The following TRAIP variants were observed in gnomAD, a reference collection of about 807,000 sequenced individuals.
The protein encoded by TRAIP is E3 ubiquitin-protein ligase TRAIP.
A neutral mutation model predicts 65.0 loss-of-function variants in TRAIP; 37 were observed. That is an observed-to-expected ratio of 0.57 (90% CI 0.44 to 0.75). TRAIP has a LOEUF of 0.75. Among genes scored for constraint, TRAIP ranks in the 30% least tolerant of loss-of-function variants. The pLI is 0.00. For missense variants in TRAIP, 481 were observed against 579.4 expected (o/e 0.83, Z 1.74); for synonymous variants, 187 against 219.1 (o/e 0.85, Z 1.29).
chr3:49,840,870 C>G, intron 8 of TRAIP, 115 bp downstream of exon 8: 1 of 944,600 alleles, frequency 1.1e-6, no homozygotes, highest in Non-Finnish European at 1.7e-6. Flanking sequence ...AGTCCTCCAG[C>G]TGCCCCAGGG....
chr3:49,849,198 G>A (rs1162616610), intron 1 of TRAIP, among the ~76,000 whole-genome samples: 2 of 151,574 alleles, frequency 1.3e-5, no homozygotes, highest in African/African-American at 2.4e-5. Flanking sequence ...CAGAATAGAG[G>A]CAGGGTCTCA....
chr3:49,845,222 A>G (rs976388536), intron 3 of TRAIP, among the ~76,000 whole-genome samples: 1 of 152,252 alleles, frequency 6.6e-6, no homozygotes, highest in Non-Finnish European at 1.5e-5. Flanking sequence ...AATGTTTCAC[A>G]GCCATGCCAC....
At chr3:49,835,901 T>C (rs1047360845) in intron 10 of TRAIP, among the ~76,000 whole-genome samples, 7 of 147,492 alleles carry the variant, frequency 4.7e-5, no homozygotes, top group South Asian at 2.2e-4. Flanking sequence ...ATCGTGCCAC[T>C]GCACTCCAGC....
At chr3:49,829,419 C>CACAGTTCAGCTCAGCTCA in intron 14 of TRAIP, 39 bp downstream of exon 14, 1 of 1,613,944 alleles carries the variant, frequency 6.2e-7, no homozygotes, top group Non-Finnish European at 8.5e-7. Flanking sequence ...GTATGGGCTC[C>CACAGTTCAGCTCAGCTCA]ACAGTTCAGC....
At position 49,842,433 on chromosome 3, in the gene TRAIP, G is replaced by C. The variant is rs1463503875; in HGVS notation, c.503+20C>G. 1 of 1,612,914 alleles carries C rather than the reference G, an allele frequency of 6.2e-7. No individual in the cohort carries two copies. The highest frequency in any genetic ancestry group is 8.5e-7 in the Non-Finnish European group (1 of 1,179,426). On this transcript the variant is annotated intron_variant, in intron 6 of 14. Coordinates refer to ENST00000331456, the MANE Select transcript of TRAIP (RefSeq NM_005879.3). ...GCCCTGGGGGCAAAGGCACAGTGCA[G>C]GACCCAGCTCCAAACTCACTGCTCC...
In TRAIP at chr3:49,856,388, G is replaced by T; in HGVS notation, c.66C>A (p.Ala22=). The T allele has an allele frequency of 6.2e-7, 1 of 1,614,126 alleles. No homozygotes were observed. The highest frequency in any genetic ancestry group is 8.5e-7 in the Non-Finnish European group (1 of 1,179,998). ...DFFDHSRDVA[A]IHCGHTFHLQ... Reference sequence around the variant, plus strand: ...AGTGGAAGGTGTGGCCGCAGTGGATGGCGGCCACGTCGCGGGAGTGATCGA... The same window carrying T: ...AGTGGAAGGTGTGGCCGCAGTGGATTGCGGCCACGTCGCGGGAGTGATCGA... The change falls in exon 1 of 15, where the codon GCC becomes GCA. Residue 22 remains alanine (A), a synonymous_variant. Transcript: ENST00000331456.
chr3:49,848,308 C>G, intron 1 of TRAIP, 108 bp from the exon 2 acceptor site: 1 of 1,160,314 alleles, frequency 8.6e-7, no homozygotes, highest in Non-Finnish European at 1.3e-6. Flanking sequence ...CTCCTTGACC[C>G]AATGCCTGCC....
Position 49,829,600 on chromosome 3 carries a change from TG to T in TRAIP, c.1236+16del. 1.2e-6 allele frequency: 2 copies of T among 1,614,130 alleles called. No individual in the cohort carries two copies. Among genetic ancestry groups the T allele is most frequent in the East Asian group, 4.5e-5 (2 of 44,876 alleles). ...CCAAGAGGGCTGGCTCCTGCCACTG[TG>T]GGAAGCCACACTCACCACATCTTTG... is the stretch of plus-strand genomic sequence containing the variant. On this transcript the variant is annotated intron_variant, in intron 13 of 14. Transcript: ENST00000331456.
chr3:49,847,417 GAAAA>G, intron 3 of TRAIP, 104 bp downstream of exon 3: 1 of 744,472 alleles, frequency 1.3e-6, no homozygotes, highest in Non-Finnish European at 2.2e-6. Context: ...AAAGAAAAGA[GAAAA>G]GAGAAGAGAA....
At chr3:49,850,455 C>T (rs1164653289) in intron 1 of TRAIP, among the ~76,000 whole-genome samples, 3 of 145,780 alleles carry the variant, frequency 2.1e-5, no homozygotes, top group Admixed American at 7.1e-5. Flanking sequence ...GCCGAGATCA[C>T]GCCACTGCAC....
In TRAIP at chr3:49,829,645, C is replaced by T; in HGVS notation, c.1208G>A (p.Arg403Lys). 1 of 1,614,198 alleles carries T rather than the reference C, an allele frequency of 6.2e-7. No individual in the cohort carries two copies. The highest frequency in any genetic ancestry group is 8.5e-7 in the Non-Finnish European group (1 of 1,180,032). ...ATCTTTGCTGCAAGAGGACTCTGAC[C>T]TGGGCCTCTTGGGCTGTTTCTGGCC... is the stretch of plus-strand genomic sequence containing the variant. The part of the protein sequence containing the change: ...ILGQKQPKRP[R>K]SESSCSKDVV... Residue 403 changes from arginine (R) to lysine (K), a missense_variant, in exon 13 of 15, where the codon AGG becomes AAG. Transcript: ENST00000331456.
intron 10 of TRAIP, among the ~76,000 whole-genome samples, chr3:49,832,705 G>GGT (rs2081745991): frequency 7.6e-6 from 1 of 130,954 alleles, no homozygotes; most frequent in African/African-American, 2.9e-5. Flanking sequence ...TAACACGGGG[G>GGT]GGGGGGGGGG....
chr3:49,849,517 C>T (rs111380621), intron 1 of TRAIP, among the ~76,000 whole-genome samples: 2 of 151,728 alleles, frequency 1.3e-5, no homozygotes, highest in African/African-American at 4.8e-5. Flanking sequence ...CCCAGCTACT[C>T]GGGAGGCTGA....
In TRAIP at chr3:49,840,430, C is replaced by A. The variant is rs1016525963; in HGVS notation, c.706-57G>T. The A allele has an allele frequency of 3.5e-6, 5 of 1,430,216 alleles. No homozygotes were observed. In the East Asian group the frequency reaches 1.1e-4, roughly 33 times the overall value. 88.6% of individuals were successfully genotyped at this position (1,430,216 alleles called of 1,614,324 possible). ...CCAAGTGGTAGCCTTGTGCCCTGCC[C>A]CCTCCTGCTGCTCCCCAGGGAGTGA... On this transcript the variant is annotated intron_variant, in intron 8 of 14. Coordinates refer to ENST00000331456, the MANE Select transcript of TRAIP (RefSeq NM_005879.3).
At chr3:49,837,726 C>T (rs909529997) in intron 10 of TRAIP, among the ~76,000 whole-genome samples, 5 of 151,508 alleles carry the variant, frequency 3.3e-5, no homozygotes, top group Admixed American at 2.6e-4. Context: ...GGATTACAGG[C>T]GCCTGCCACC....
At position 49,856,350 on chromosome 3, in the gene TRAIP, A is replaced by G; in HGVS notation, c.98+6T>C. 1 of 1,611,674 alleles carries G rather than the reference A, an allele frequency of 6.2e-7. No individual in the cohort carries two copies. The highest frequency in any genetic ancestry group is 1.1e-5 in the South Asian group (1 of 91,002). On this transcript the variant is annotated splice_donor_region_variant and intron_variant, in intron 1 of 14. Coordinates refer to ENST00000331456, the MANE Select transcript of TRAIP (RefSeq NM_005879.3). Reference sequence around the variant, plus strand: ...AACACCGGGCCCCAACACTGCAGTCACTCACCACTGCAAGTGGAAGGTGTG... The same window carrying G: ...AACACCGGGCCCCAACACTGCAGTCGCTCACCACTGCAAGTGGAAGGTGTG...
In TRAIP at chr3:49,837,323, C is replaced by T. The variant is rs530319089; in HGVS notation, c.884+2449G>A. 3.1e-4 allele frequency among the ~76,000 whole-genome samples: 47 copies of T among 152,004 alleles called. 1 individual carries two copies. The highest frequency in any genetic ancestry group is 1.0e-3 in the African/African-American group (43 of 41,486). The stretch of plus-strand genomic sequence containing the variant: ...TAGGCTGGGCATGGTGGCTCACGCT[C>T]GTAATCCCAGCACTTTAGTCCCAGC... On this transcript the variant is annotated intron_variant, in intron 10 of 14. Transcript: ENST00000331456.
intron 10 of TRAIP, among the ~76,000 whole-genome samples, chr3:49,837,287 G>T (rs2081797541): frequency 6.6e-6 from 1 of 151,990 alleles, no homozygotes; most frequent in South Asian, 2.1e-4. Context: ...GAGTTTAGAA[G>T]AGGCTGTGCC....
chr3:49,848,249 G>A, intron 1 of TRAIP, 49 bp from the exon 2 acceptor site: 2 of 1,599,382 alleles, frequency 1.3e-6, no homozygotes, highest in African/African-American at 2.7e-5. Flanking sequence ...GTTTGTCTGG[G>A]GACATAAGCC....
Sources: allele counts gnomAD v4.1 joint callset (sites outside exome capture counted in the v4.1 genomes callset), GRCh38; gene constraint gnomAD v4.1.1; transcripts MANE v1.5; gene names NCBI Gene and HGNC (gene_info 2026-07-23, HGNC 2026-07-21).